NR5A1: variants seen among roughly 807,000 people sequenced by gnomAD.
NR5A1 encodes the protein steroidogenic factor 1.
NR5A1 carries 6 observed loss-of-function variants against 42.7 expected under a neutral mutation model. The ratio of observed to expected loss-of-function variants is 0.14; its 90% CI spans 0.08 to 0.28. NR5A1 has a LOEUF of 0.28. NR5A1 is among the 10% of genes least tolerant of loss of function. NR5A1 has a pLI of 1.00. For missense variants in NR5A1, 442 were observed against 626.4 expected (o/e 0.71, Z 3.14); for synonymous variants, 274 against 277.5 (o/e 0.99, Z 0.12).
intron 4 of NR5A1, among the ~76,000 whole-genome samples, chr9:124,497,357 A>T (rs1832403828): frequency 6.6e-6 from 1 of 152,188 alleles, no homozygotes. Flanking sequence ...CTCTGATTCT[A>T]GTCTTTGATA....
chr9:124,482,727 C>T lies in NR5A1; in HGVS notation c.*31G>A, dbSNP rs1312662819. 7.0e-7 allele frequency: 1 copy of T among 1,423,678 alleles called. No homozygotes were observed. Among genetic ancestry groups the T allele is most frequent in the Admixed American group, 2.0e-5 (1 of 49,604 alleles). 88.2% of individuals were successfully genotyped at this position (1,423,678 alleles called of 1,614,324 possible). The stretch of plus-strand genomic sequence containing the variant: ...GCCCAGGCCCCGCCCCCAGTCCCGC[C>T]CCCAGTCCCGGCCCCGCCCCCGGCC... On this transcript the variant is annotated 3_prime_UTR_variant, in exon 7 of 7. Transcript: ENST00000373588.
chr9:124,500,723 C>T lies in NR5A1; in HGVS notation c.245-8G>A. 1 of 1,612,604 alleles carries T rather than the reference C, an allele frequency of 6.2e-7. No individual in the cohort carries two copies. Among genetic ancestry groups the T allele is most frequent in the Non-Finnish European group, 8.5e-7 (1 of 1,180,014 alleles). Reference sequence around the variant, plus strand: ...TACGGTCAGCGCGCACGGCTGTGGGCAGGGGCAGAGGGTCAGACTCACCCT... The same window carrying T: ...TACGGTCAGCGCGCACGGCTGTGGGTAGGGGCAGAGGGTCAGACTCACCCT... On this transcript the variant is annotated splice_region_variant and splice_polypyrimidine_tract_variant and intron_variant, in intron 3 of 6. Coordinates refer to ENST00000373588, the MANE Select transcript of NR5A1 (RefSeq NM_004959.5). This position sits in a 1 kb window ranked among gnomAD's most constrained non-coding sequence, Gnocchi z 6.9.
At chr9:124,495,940 C>T (rs1333878073) in intron 4 of NR5A1, among the ~76,000 whole-genome samples, 2 of 152,210 alleles carry the variant, frequency 1.3e-5, no homozygotes, top group African/African-American at 4.8e-5. Context: ...ATCCTCCACC[C>T]TAATTTCCTG....
At position 124,501,717 on chromosome 9, in the gene NR5A1, A is replaced by T. The variant is rs550898745; in HGVS notation, c.245-1002T>A. Among the ~76,000 whole-genome samples, 234 of 152,318 alleles carry T rather than the reference A, an allele frequency of 1.5e-3. 2 individuals are homozygous for T. Among genetic ancestry groups the T allele is most frequent in the Middle Eastern group, 0.01 (3 of 294 alleles). On this transcript the variant is annotated intron_variant, in intron 3 of 6. Transcript: ENST00000373588. This position sits in a 1 kb window ranked among gnomAD's most constrained non-coding sequence, Gnocchi z 4.1. ...CCCCTTGGGACCTGGCACTAGGGGC[A>T]TGGGCTCTGGGGACAGGACAGGATG... is the stretch of plus-strand genomic sequence containing the variant.
rs1832477900 is a variant in NR5A1 at position 124,501,958 on chromosome 9, G to A, written c.244+1121C>T. ...GGCTGAGAGCTGGGGTTGAGGGTAG[G>A]GAGGCAAAGAGGGGCCTGGGTTTCT... On this transcript the variant is annotated intron_variant, in intron 3 of 6. Transcript: ENST00000373588. This position sits in a 1 kb window ranked among gnomAD's most constrained non-coding sequence, Gnocchi z 4.1. 1.3e-5 allele frequency among the ~76,000 whole-genome samples: 2 copies of A among 152,190 alleles called. No homozygotes were observed. Among genetic ancestry groups the A allele is most frequent in the African/African-American group, 4.8e-5 (2 of 41,442 alleles).
At chr9:124,494,414 G>C (rs950388079) in intron 4 of NR5A1, among the ~76,000 whole-genome samples, 2 of 152,150 alleles carry the variant, frequency 1.3e-5, no homozygotes, top group African/African-American at 2.4e-5. Context: ...TCTCTCACAG[G>C]CTCCTTGCCT....
Position 124,491,243 on chromosome 9 carries a change from C to A in NR5A1, c.991-15G>T. 6.3e-7 allele frequency: 1 copy of A among 1,590,646 alleles called. No homozygotes were observed. Among genetic ancestry groups the A allele is most frequent in the Non-Finnish European group, 8.6e-7 (1 of 1,167,948 alleles). ...GTCAGCTCCACCTGGGGGCAGAGGG[C>A]ACGGGGCGGGGGACAGTCAGAGGAC... On this transcript the variant is annotated splice_polypyrimidine_tract_variant and intron_variant, in intron 5 of 6. Transcript: ENST00000373588.
chr9:124,506,115 G>A (rs1325869788), intron 1 of NR5A1, among the ~76,000 whole-genome samples: 2 of 152,212 alleles, frequency 1.3e-5, no homozygotes, highest in African/African-American at 2.4e-5. Flanking sequence ...CTGGGCCTGG[G>A]GCCTGCAAGT....
rs1371679095 is a variant in NR5A1, at chr9:124,482,018, G to T, written c.*740C>A. ...ACCTTGCAGATAAATACCAGCCTGG[G>T]AGGGCCACCTCTGGGTGGGGCTAGG... On this transcript the variant is annotated 3_prime_UTR_variant, in exon 7 of 7. Transcript: ENST00000373588. The T allele has an allele frequency of 6.6e-6, 1 of 152,440 alleles. No homozygotes were observed. The highest frequency in any genetic ancestry group is 2.4e-5 in the African/African-American group (1 of 41,460). The allele number at this position is 152,440 out of a possible 1,614,324, so 9.4% of individuals were successfully genotyped here.
chr9:124,484,724 A>G (rs1162622083), intron 6 of NR5A1, among the ~76,000 whole-genome samples: 1 of 151,944 alleles, frequency 6.6e-6, no homozygotes, highest in Non-Finnish European at 1.5e-5. Context: ...ACTGCATTCC[A>G]GCCTGGGCAA....
chr9:124,483,103 T>C, intron 6 of NR5A1, 98 bp from the exon 7 acceptor site: 1 of 1,601,130 alleles, frequency 6.2e-7, no homozygotes, highest in East Asian at 2.2e-5. Flanking sequence ...ACCTTCCCTA[T>C]GACCATCAAA....
At chr9:124,490,464 G>A (rs1029232543) in intron 6 of NR5A1, among the ~76,000 whole-genome samples, 1 of 152,148 alleles carries the variant, frequency 6.6e-6, no homozygotes. Context: ...TGAGGTGGGT[G>A]GCCGGGCTGG....
At chr9:124,488,985 A>G (rs907875407) in intron 6 of NR5A1, among the ~76,000 whole-genome samples, 3 of 152,234 alleles carry the variant, frequency 2.0e-5, no homozygotes, top group African/African-American at 7.2e-5. Flanking sequence ...GATGACCAGC[A>G]TGACATGAGG....
chr9:124,497,116 T>A (rs1489671479), intron 4 of NR5A1, among the ~76,000 whole-genome samples: 1 of 152,118 alleles, frequency 6.6e-6, no homozygotes, highest in Admixed American at 6.5e-5. Flanking sequence ...GATTAAACAG[T>A]GTAGCTAAGG....
At chr9:124,499,615 T>G (rs983326259) in intron 4 of NR5A1, among the ~76,000 whole-genome samples, 2 of 152,030 alleles carry the variant, frequency 1.3e-5, no homozygotes, top group Non-Finnish European at 2.9e-5. Context: ...GAGGACAGGA[T>G]GGGCCGGACC....
chr9:124,502,105 C>A (rs1832479832), intron 3 of NR5A1, among the ~76,000 whole-genome samples: 1 of 152,008 alleles, frequency 6.6e-6, no homozygotes, highest in Non-Finnish European at 1.5e-5. Flanking sequence ...GACGGACAGA[C>A]AAGCAGATGG....
rs1330197089 is a variant in NR5A1, at chr9:124,503,598, G to T, written c.-15-188C>A. 6.6e-6 allele frequency among the ~76,000 whole-genome samples: 1 copy of T among 152,026 alleles called. No individual in the cohort carries two copies. The highest frequency in any genetic ancestry group is 1.9e-4 in the East Asian group (1 of 5,176). On this transcript the variant is annotated intron_variant, in intron 1 of 6. Transcript: ENST00000373588. The surrounding 1 kb of genome is among the most constrained non-coding windows in gnomAD (Gnocchi z 9.6). ...TGGGTCCGGTGCAGTCCCCGCGCCC[G>T]GCCTTCCCCTGCCAGGCCCCACGCT...
chr9:124,483,695 T>C (rs1219374423), intron 6 of NR5A1, among the ~76,000 whole-genome samples: 1 of 152,120 alleles, frequency 6.6e-6, no homozygotes, highest in Non-Finnish European at 1.5e-5. Context: ...GCCATCCGCA[T>C]CCCCACTCTG....
At chr9:124,502,954 CCT>C in intron 3 of NR5A1, 123 bp downstream of exon 3, 4 of 1,309,406 alleles carry the variant, frequency 3.1e-6, no homozygotes, top group Non-Finnish European at 4.1e-6. Flanking sequence ...GCGACTGGGC[CCT>C]AATGTCGCAC....
Sources: allele counts gnomAD v4.1 joint callset (sites outside exome capture counted in the v4.1 genomes callset), GRCh38; gene constraint gnomAD v4.1.1; non-coding constraint Gnocchi (gnomAD v3.1); transcripts MANE v1.5; gene names NCBI Gene and HGNC (gene_info 2026-07-23, HGNC 2026-07-21).